The following CALN1 variants were observed in gnomAD, a reference collection of about 807,000 sequenced individuals.
CALN1 encodes the protein calcium-binding protein 8.
CALN1 carries 17 observed loss-of-function variants against 30.6 expected under a neutral mutation model. That is an observed-to-expected ratio of 0.56 (90% CI 0.38 to 0.83). CALN1 has a LOEUF of 0.83. CALN1 is among the 40% of genes least tolerant of loss of function. CALN1 has a pLI of 0.00. For synonymous variants in CALN1, 156 were observed against 131.4 expected, an observed-to-expected ratio of 1.19 and a Z score of -1.28; for missense variants, 291 against 354.9, an observed-to-expected ratio of 0.82 and a Z score of 1.45.
chr7:72,260,490 A>T (rs1388559330), intron 3 of CALN1, among the ~76,000 whole-genome samples: 1 of 152,218 alleles, frequency 6.6e-6, no homozygotes, highest in Non-Finnish European at 1.5e-5. Context: ...AGTCGTGGAG[A>T]TTCAAAATCT....
intron 3 of CALN1, among the ~76,000 whole-genome samples, chr7:72,277,708 C>T (rs994541043): frequency 1.3e-5 from 2 of 152,152 alleles, no homozygotes; most frequent in Non-Finnish European, 2.9e-5. Context: ...GCAAGTTTGG[C>T]TTCACTGTCT....
the CALN1 span, among the ~76,000 whole-genome samples, chr7:72,457,946 G>A: frequency 2.9e-4 from 44 of 150,674 alleles, no homozygotes; most frequent in Admixed American, 1.1e-3. Flanking sequence ...TGTAGAGATA[G>A]GGTTTTGTCA....
chr7:72,361,255 C>A (rs1803552017), intron 2 of CALN1, among the ~76,000 whole-genome samples: 2 of 152,152 alleles, frequency 1.3e-5, no homozygotes, highest in Admixed American at 6.5e-5. Flanking sequence ...AAAGGCCAAG[C>A]CTCCAGAGCC....
At chr7:72,007,934 C>T (rs958647144) in intron 5 of CALN1, among the ~76,000 whole-genome samples, 3 of 152,098 alleles carry the variant, frequency 2.0e-5, no homozygotes, top group African/African-American at 4.8e-5. Context: ...CAGGCAATAT[C>T]AAATACACAC....
intron 4 of CALN1, among the ~76,000 whole-genome samples, chr7:72,073,204 T>C (rs1804517520): frequency 6.6e-6 from 1 of 152,132 alleles, no homozygotes; most frequent in Non-Finnish European, 1.5e-5. Flanking sequence ...AGTAGTCAAA[T>C]GCATAGAGAC....
intron 2 of CALN1, among the ~76,000 whole-genome samples, chr7:72,397,895 T>C (rs1214549735): frequency 1.3e-5 from 2 of 152,146 alleles, no homozygotes; most frequent in Non-Finnish European, 1.5e-5. Context: ...ATGAGCTTGA[T>C]GAAGGTACCC....
At position 71,937,155 on chromosome 7, in the gene CALN1, A is replaced by G. The variant is rs1468111877; in HGVS notation, c.501+86502T>C. ...AAACCCTGTCTCTACTAAAAATACA[A>G]AAGTAGCTGGGCATGGTGGTGCATG... is the stretch of plus-strand genomic sequence containing the variant. On this transcript the variant is annotated intron_variant, in intron 5 of 6. Coordinates refer to ENST00000395275, the MANE Select transcript of CALN1 (RefSeq NM_031468.4). Among the ~76,000 whole-genome samples the G allele has an allele frequency of 5.3e-5, 8 of 152,208 alleles. No individual in the cohort carries two copies. In the South Asian group the frequency reaches 1.5e-3, roughly 28 times the overall value.
chr7:72,163,668 CAGA>C (rs200337691), intron 3 of CALN1, among the ~76,000 whole-genome samples: 2 of 152,012 alleles, frequency 1.3e-5, no homozygotes, highest in Admixed American at 6.6e-5. Flanking sequence ...ATGGGCTTAA[CAGA>C]AGATTAGAGA....
rs117132307 is a variant in CALN1, at chr7:71,853,411, T to C, written c.502-42919A>G. ...AATGGCTAAATCAATCTATTTAACA[T>C]ATACATTATCTCATATGCTTATCAG... On this transcript the variant is annotated intron_variant, in intron 5 of 6. Coordinates refer to ENST00000395275, the MANE Select transcript of CALN1 (RefSeq NM_031468.4). Among the ~76,000 whole-genome samples, 731 of 152,272 alleles carry C rather than the reference T, an allele frequency of 4.8e-3. 1 individual carries two copies. Among genetic ancestry groups the C allele is most frequent in the Non-Finnish European group, 7.5e-3 (512 of 68,032 alleles).
At chr7:71,927,642 T>C (rs974266970) in intron 5 of CALN1, among the ~76,000 whole-genome samples, 2 of 152,214 alleles carry the variant, frequency 1.3e-5, no homozygotes, top group Non-Finnish European at 2.9e-5. Flanking sequence ...GTCCCTTTTT[T>C]ATGCTCTTCC....
the CALN1 span, among the ~76,000 whole-genome samples, chr7:72,459,437 TAG>T: frequency 1.0e-3 from 156 of 152,250 alleles, no homozygotes; most frequent in African/African-American, 3.5e-3. Flanking sequence ...CAAAATTTTC[TAG>T]AGTTGTTTCA....
intron 2 of CALN1, among the ~76,000 whole-genome samples, chr7:72,366,930 T>C (rs1355293525): frequency 6.6e-6 from 1 of 151,692 alleles, no homozygotes; most frequent in African/African-American, 2.4e-5. Context: ...CAAAAGCCCA[T>C]CAACAATAAA....
chr7:72,166,498 C>A (rs538448654), intron 3 of CALN1, among the ~76,000 whole-genome samples: 2 of 152,284 alleles, frequency 1.3e-5, no homozygotes, highest in South Asian at 4.1e-4. Flanking sequence ...GGTGAAATTT[C>A]TTATTAAGTG....
At chr7:71,818,144 A>C (rs907380048) in intron 5 of CALN1, among the ~76,000 whole-genome samples, 1 of 152,150 alleles carries the variant, frequency 6.6e-6, no homozygotes, top group Non-Finnish European at 1.5e-5. Context: ...AATGTGGTAC[A>C]TGCTGTGGGA....
At chr7:72,106,010 G>C (rs2129541257) in intron 4 of CALN1, 141 bp downstream of exon 4, 4 of 1,132,084 alleles carry the variant, frequency 3.5e-6, no homozygotes, top group East Asian at 5.2e-5. Context: ...TACTGAAAAA[G>C]CCTGTTCTAG....
At chr7:72,156,105 T>C (rs1044639223) in intron 3 of CALN1, among the ~76,000 whole-genome samples, 7 of 152,104 alleles carry the variant, frequency 4.6e-5, no homozygotes, top group African/African-American at 1.7e-4. Flanking sequence ...GGGGCCATCA[T>C]TCAGCTAACA....
chr7:72,097,758 G>C (rs938619058), intron 4 of CALN1, among the ~76,000 whole-genome samples: 1 of 151,768 alleles, frequency 6.6e-6, no homozygotes, highest in African/African-American at 2.4e-5. Context: ...AGGACACCCA[G>C]GCTGGAGTGC....
rs73361161 is a variant in CALN1 at position 72,304,412 on chromosome 7, A to T, written c.120-25602T>A. On this transcript the variant is annotated intron_variant, in intron 2 of 6. Transcript: ENST00000395275. ...GAGGCCAAGGTGTTCGGGGGCCAGG[A>T]AGGGGGGATTGCCTGAGCCCAGGAG... Among the ~76,000 whole-genome samples, 1,285 of 152,224 alleles carry T rather than the reference A, an allele frequency of 8.4e-3. 13 individuals are homozygous for T. Among genetic ancestry groups the T allele is most frequent in the African/African-American group, 0.028 (1,171 of 41,538 alleles).
chr7:72,391,478 G>A (rs1313663082), intron 2 of CALN1, among the ~76,000 whole-genome samples: 6 of 56,796 alleles, frequency 1.1e-4, no homozygotes, highest in Non-Finnish European at 3.8e-4. Flanking sequence ...CCAGCATGAT[G>A]AAGAAGAAGT....
Sources: gnomAD v4.1 joint callset for allele counts (sites outside exome capture counted in the v4.1 genomes callset) on GRCh38, gnomAD v4.1.1 for gene constraint, MANE v1.5 for transcripts, NCBI Gene and HGNC (gene_info 2026-07-23, HGNC 2026-07-21) for gene names.